UNC5D: variants seen among roughly 807,000 people sequenced by gnomAD.
The protein encoded by UNC5D is netrin receptor UNC5D.
UNC5D carries 39 observed loss-of-function variants against 105.4 expected under a neutral mutation model. The ratio of observed to expected loss-of-function variants is 0.37; its 90% CI spans 0.29 to 0.48. The LOEUF (loss-of-function observed/expected upper bound fraction) is 0.48, where lower values mean the gene tolerates loss of function less well. UNC5D is among the 20% of genes least tolerant of loss of function. UNC5D has a pLI of 0.98. For missense variants in UNC5D, 991 were observed against 1,202.4 expected (o/e 0.82, Z 2.60); for synonymous variants, 452 against 450.4 (o/e 1.00, Z -0.04).
intron 1 of UNC5D, among the ~76,000 whole-genome samples, chr8:35,278,595 T>C (rs1383523373): frequency 6.6e-6 from 1 of 151,988 alleles, no homozygotes; most frequent in African/African-American, 2.4e-5. Flanking sequence ...TATTATTTAT[T>C]ATTTTTAAAA....
chr8:35,481,631 G>C (rs1810489561), intron 1 of UNC5D, among the ~76,000 whole-genome samples: 1 of 152,144 alleles, frequency 6.6e-6, no homozygotes, highest in Admixed American at 6.5e-5. Flanking sequence ...ATGTAAAGTA[G>C]AGATTACTCT....
chr8:35,349,944 A>G (rs996551137), intron 1 of UNC5D, among the ~76,000 whole-genome samples: 6 of 152,058 alleles, frequency 3.9e-5, no homozygotes, highest in African/African-American at 1.4e-4. Flanking sequence ...CCATTGTGCT[A>G]ACAGCACCAG....
At chr8:35,783,006 G>A (rs1802574883) in intron 16 of UNC5D, among the ~76,000 whole-genome samples, 1 of 151,966 alleles carries the variant, frequency 6.6e-6, no homozygotes, top group Admixed American at 6.6e-5. Context: ...AGCCGGGCAT[G>A]GTGATGCTCA....
intron 1 of UNC5D, among the ~76,000 whole-genome samples, chr8:35,438,312 A>G (rs190153621): frequency 6.6e-6 from 1 of 152,164 alleles, no homozygotes; most frequent in African/African-American, 2.4e-5. Flanking sequence ...AAGGTTAGCT[A>G]CATTTTTAAA....
At chr8:35,453,454 C>T (rs1322016057) in intron 1 of UNC5D, among the ~76,000 whole-genome samples, 2 of 152,124 alleles carry the variant, frequency 1.3e-5, no homozygotes, top group African/African-American at 2.4e-5. Flanking sequence ...AACCCCTGGT[C>T]ACGTCAATCT....
chr8:35,525,862 C>A, intron 1 of UNC5D: 1 of 1,246,584 alleles, frequency 8.0e-7, no homozygotes, highest in South Asian at 1.6e-5. Flanking sequence ...ATAGTAAAAT[C>A]CAGTTTAGCT....
intron 1 of UNC5D, among the ~76,000 whole-genome samples, chr8:35,383,484 T>C (rs565823588): frequency 1.2e-4 from 19 of 152,334 alleles, no homozygotes; most frequent in Middle Eastern, 3.4e-3. Flanking sequence ...GAGGAAAAAC[T>C]GACTGCTATT....
intron 3 of UNC5D, 68 bp from the exon 4 acceptor site, chr8:35,595,486 T>G: frequency 7.0e-7 from 1 of 1,430,476 alleles, no homozygotes; most frequent in Non-Finnish European, 9.8e-7. Context: ...ACTTTTTTTG[T>G]ACTTGGACCA....
At chr8:35,255,998 C>T (rs1480506464) in intron 1 of UNC5D, 1 of 152,148 alleles carries the variant, frequency 6.6e-6, no homozygotes, top group East Asian at 1.9e-4. Flanking sequence ...TTTATTCATT[C>T]CTCCATCACC....
chr8:35,479,932 T>C (rs1418795133), intron 1 of UNC5D, among the ~76,000 whole-genome samples: 4 of 152,060 alleles, frequency 2.6e-5, no homozygotes, highest in South Asian at 2.1e-4. Flanking sequence ...AAAATGAAAA[T>C]AGTAAAAGAA....
chr8:35,652,221 AAACTTG>A (rs1823457718), intron 4 of UNC5D, among the ~76,000 whole-genome samples: 2 of 152,336 alleles, frequency 1.3e-5, no homozygotes, highest in South Asian at 2.1e-4. Context: ...TATGATGGTT[AAACTTG>A]AACTTAAAGA....
At chr8:35,342,691 C>T (rs527683726) in intron 1 of UNC5D, among the ~76,000 whole-genome samples, 1 of 152,176 alleles carries the variant, frequency 6.6e-6, no homozygotes, top group African/African-American at 2.4e-5. Context: ...GAGTCTTGGG[C>T]ACAAACCTAT....
At position 35,235,966 on chromosome 8, in the gene UNC5D, GCGTTGGCTTCCCAA is replaced by G. The variant is rs545412952; in HGVS notation, c.103+81_103+94del. The stretch of plus-strand genomic sequence containing the variant: ...TGACGGAGCGGGACCTGCACCGATG[GCGTTGGCTTCCCAA>G]CTTGCGCCCTGCACCTCGGCGCTCC... On this transcript the variant is annotated intron_variant, in intron 1 of 16. Transcript: ENST00000404895. 3.1e-5 allele frequency: 36 copies of G among 1,177,892 alleles called. No homozygotes were observed. In the South Asian group the frequency reaches 1.4e-3, roughly 47 times the overall value. The allele number at this position is 1,177,892 out of a possible 1,614,324, so 73.0% of individuals were successfully genotyped here.
intron 3 of UNC5D, among the ~76,000 whole-genome samples, chr8:35,570,561 T>C (rs1055265634): frequency 6.6e-6 from 1 of 152,186 alleles, no homozygotes; most frequent in Non-Finnish European, 1.5e-5. Flanking sequence ...AGTAACCTAG[T>C]AATTTTTCTT....
intron 16 of UNC5D, among the ~76,000 whole-genome samples, chr8:35,778,821 A>T (rs1186124299): frequency 6.6e-6 from 1 of 152,256 alleles, no homozygotes; most frequent in Admixed American, 6.5e-5. Context: ...GTCACTGATG[A>T]TAATATGCCT....
At chr8:35,527,002 A>C (rs1813922745) in intron 1 of UNC5D, among the ~76,000 whole-genome samples, 1 of 152,180 alleles carries the variant, frequency 6.6e-6, no homozygotes, top group Admixed American at 6.5e-5. Flanking sequence ...ACATTTTATA[A>C]GGGGGTTCTC....
intron 1 of UNC5D, among the ~76,000 whole-genome samples, chr8:35,381,796 G>A (rs1226853472): frequency 6.6e-6 from 1 of 152,162 alleles, no homozygotes; most frequent in Non-Finnish European, 1.5e-5. Flanking sequence ...AAAGCATATA[G>A]TCACACTGTG....
At chr8:35,785,601 T>G (rs1242235178) in intron 16 of UNC5D, among the ~76,000 whole-genome samples, 1 of 152,152 alleles carries the variant, frequency 6.6e-6, no homozygotes, top group Non-Finnish European at 1.5e-5. Context: ...CCTCAGGTGA[T>G]CTGCCCACCT....
chr8:35,564,617 A>G (rs1817201741), intron 2 of UNC5D, among the ~76,000 whole-genome samples: 1 of 152,180 alleles, frequency 6.6e-6, no homozygotes, highest in Non-Finnish European at 1.5e-5. Context: ...AATTAATGGC[A>G]TTAGAGGTAC....
Sources: allele counts gnomAD v4.1 joint callset (sites outside exome capture counted in the v4.1 genomes callset), GRCh38; gene constraint gnomAD v4.1.1; transcripts MANE v1.5; gene names NCBI Gene and HGNC (gene_info 2026-07-23, HGNC 2026-07-21).